The following CSMD1 variants were observed in gnomAD, a reference collection of about 807,000 sequenced individuals.
CSMD1 encodes CUB and sushi domain-containing protein 1.
In CSMD1, 213 loss-of-function variants were observed where a neutral mutation model predicts 417.5. The ratio of observed to expected loss-of-function variants is 0.51; its 90% CI spans 0.46 to 0.57. CSMD1 has a LOEUF of 0.57. Ranked by LOEUF, CSMD1 falls within the 20% of genes least tolerant of loss-of-function variation. The probability of loss-of-function intolerance (pLI) is 0.00; values close to 1 mark genes in which losing one functional copy is unlikely to be tolerated. For synonymous variants in CSMD1, 2,862 were observed against 1,736.8 expected, an observed-to-expected ratio of 1.65 and a Z score of -16.11; for missense variants, 6,923 against 4,529.7, an observed-to-expected ratio of 1.53 and a Z score of -15.17.
intron 12 of CSMD1, among the ~76,000 whole-genome samples, chr8:3,450,315 T>C (rs1815614978): frequency 6.6e-6 from 1 of 151,764 alleles, no homozygotes; most frequent in African/African-American, 2.4e-5. Flanking sequence ...CTCTCCTATT[T>C]TTTTTTTTAT....
intron 3 of CSMD1, among the ~76,000 whole-genome samples, chr8:4,145,263 C>G (rs575678121): frequency 2.0e-5 from 3 of 150,990 alleles, no homozygotes; most frequent in African/African-American, 7.4e-5. Context: ...ATAACTGGAA[C>G]TTGTAGAGTT....
rs117156258 is a variant in CSMD1 at position 3,509,326 on chromosome 8, C to G, written c.1345-15600G>C. On this transcript the variant is annotated intron_variant, in intron 10 of 69. Transcript: ENST00000635120. ...TCCCCCACCCATAGTTATAGTAAATCATTTTACGTTCACTGTTTCTTTAGC... is the reference window on the plus strand; with the variant it reads ...TCCCCCACCCATAGTTATAGTAAATGATTTTACGTTCACTGTTTCTTTAGC... Among the ~76,000 whole-genome samples, 243 of 152,296 alleles carry G rather than the reference C, an allele frequency of 1.6e-3. 1 individual carries two copies. The highest frequency in any genetic ancestry group is 8.3e-3 in the South Asian group (40 of 4,822).
At chr8:3,797,739 T>C (rs12550117) in intron 5 of CSMD1, among the ~76,000 whole-genome samples, 44,046 of 151,816 alleles carry the variant, frequency 0.29, 6,852 homozygotes, top group Non-Finnish European at 0.35. Flanking sequence ...TTATACAAAA[T>C]ATTTTGTGGA....
chr8:4,869,499 T>C (rs577768064), intron 1 of CSMD1, among the ~76,000 whole-genome samples: 4 of 152,234 alleles, frequency 2.6e-5, no homozygotes, highest in African/African-American at 4.8e-5. Flanking sequence ...AAGTTTAAAC[T>C]CAAGGTAGTT....
chr8:4,959,904 A>G (rs1809365802), intron 1 of CSMD1, among the ~76,000 whole-genome samples: 1 of 152,178 alleles, frequency 6.6e-6, no homozygotes, highest in African/African-American at 2.4e-5. Flanking sequence ...TGCAACAACA[A>G]TCTTCCCTAT....
chr8:4,618,322 G>C (rs553065192), intron 2 of CSMD1, among the ~76,000 whole-genome samples: 6 of 151,848 alleles, frequency 4.0e-5, no homozygotes, highest in Non-Finnish European at 7.4e-5. Context: ...GGAAATCCAG[G>C]AAGCCCAGCT....
intron 2 of CSMD1, among the ~76,000 whole-genome samples, chr8:4,571,698 T>C (rs893380031): frequency 6.6e-6 from 1 of 152,198 alleles, no homozygotes; most frequent in African/African-American, 2.4e-5. Context: ...ATTTTCTGTC[T>C]CTTTGATCTG....
chr8:3,713,513 G>A (rs1289337516), intron 6 of CSMD1, among the ~76,000 whole-genome samples: 1 of 151,958 alleles, frequency 6.6e-6, no homozygotes, highest in African/African-American at 2.4e-5. Context: ...CTCTGCCCCA[G>A]CCCCCACAGC....
intron 41 of CSMD1, among the ~76,000 whole-genome samples, chr8:3,136,101 C>T (rs191973653): frequency 3.4e-4 from 51 of 152,222 alleles, no homozygotes; most frequent in South Asian, 2.3e-3. Context: ...TTTGTCCCCC[C>T]CTCATGCATT....
intron 3 of CSMD1, among the ~76,000 whole-genome samples, chr8:4,065,215 T>C (rs1299209727): frequency 1.3e-5 from 2 of 152,120 alleles, no homozygotes; most frequent in South Asian, 2.1e-4. Context: ...TGAAAGAAAA[T>C]AGTCCTAAAC....
At chr8:3,660,302 G>A (rs1237099415) in intron 7 of CSMD1, among the ~76,000 whole-genome samples, 1 of 152,006 alleles carries the variant, frequency 6.6e-6, no homozygotes, top group Non-Finnish European at 1.5e-5. Flanking sequence ...TGTGAAGCGG[G>A]ATGGTAACTG....
chr8:4,672,662 A>T (rs1294455548), intron 1 of CSMD1, among the ~76,000 whole-genome samples: 3 of 150,646 alleles, frequency 2.0e-5, no homozygotes, highest in African/African-American at 7.3e-5. Flanking sequence ...GTGCTTGAAA[A>T]AGTTTTGGGA....
At chr8:4,487,877 G>A (rs764912967) in intron 2 of CSMD1, among the ~76,000 whole-genome samples, 1 of 152,182 alleles carries the variant, frequency 6.6e-6, no homozygotes, top group Admixed American at 6.5e-5. Flanking sequence ...AGACACTTAA[G>A]ATTGGGAGGG....
intron 6 of CSMD1, among the ~76,000 whole-genome samples, chr8:3,750,234 T>G (rs1179611410): frequency 6.6e-6 from 1 of 152,126 alleles, no homozygotes; most frequent in East Asian, 1.9e-4. Flanking sequence ...ATGATAAACG[T>G]GACTACAATA....
At chr8:4,815,560 G>C (rs150167623) in intron 1 of CSMD1, among the ~76,000 whole-genome samples, 7 of 151,658 alleles carry the variant, frequency 4.6e-5, no homozygotes, top group Non-Finnish European at 1.0e-4. Flanking sequence ...GCCAGGCATG[G>C]TGACACATGC....
At chr8:4,453,214 GAGACACACACACAC>G (rs780060646) in intron 2 of CSMD1, among the ~76,000 whole-genome samples, 2 of 94,966 alleles carry the variant, frequency 2.1e-5, no homozygotes, top group Non-Finnish European at 4.7e-5. Context: ...GACACACACA[GAGACACACACACAC>G]ACACACACAC....
chr8:3,947,933 T>C (rs1811347454), intron 5 of CSMD1, among the ~76,000 whole-genome samples: 1 of 152,070 alleles, frequency 6.6e-6, no homozygotes, highest in Admixed American at 6.6e-5. Context: ...AGGCTGGGGG[T>C]GGCGTCTCAT....
intron 3 of CSMD1, among the ~76,000 whole-genome samples, chr8:4,217,131 G>C (rs987752115): frequency 6.6e-6 from 1 of 152,196 alleles, no homozygotes; most frequent in Non-Finnish European, 1.5e-5. Context: ...AGTCTACATA[G>C]TACTTTGTAG....
At chr8:3,991,813 A>C (rs940151) in intron 5 of CSMD1, among the ~76,000 whole-genome samples, 122,155 of 152,114 alleles carry the variant, frequency 0.8, 49,360 homozygotes, top group East Asian at 0.98. Context: ...AAGTCTCCAC[A>C]CTGCCTCTTT....
Sources: gnomAD v4.1 joint callset for allele counts (sites outside exome capture counted in the v4.1 genomes callset) on GRCh38, gnomAD v4.1.1 for gene constraint, MANE v1.5 for transcripts, NCBI Gene and HGNC (gene_info 2026-07-23, HGNC 2026-07-21) for gene names.